PRDM2: variants seen among roughly 807,000 people sequenced by gnomAD.
PRDM2 encodes the protein PR domain zinc finger protein 2.
In PRDM2, 30 loss-of-function variants were observed where a neutral mutation model predicts 130.0. That is an observed-to-expected ratio of 0.23 (90% CI 0.17 to 0.31). PRDM2 has a LOEUF of 0.31. Among genes scored for constraint, PRDM2 ranks in the 10% least tolerant of loss-of-function variants. The pLI, the probability that PRDM2 is intolerant of heterozygous loss-of-function variation, is 1.00. For missense variants in PRDM2, 2,011 were observed against 2,108.4 expected, an observed-to-expected ratio of 0.95 and a Z score of 0.90; for synonymous variants, 871 against 782.4, an observed-to-expected ratio of 1.11 and a Z score of -1.89.
intron 2 of PRDM2, among the ~76,000 whole-genome samples, chr1:13,717,588 A>G (rs1437325827): frequency 6.6e-6 from 1 of 152,170 alleles, no homozygotes; most frequent in Non-Finnish European, 1.5e-5. Flanking sequence ...ATTAGACTTG[A>G]CACTTCAAAC....
intron 4 of PRDM2, among the ~76,000 whole-genome samples, chr1:13,736,801 T>A (rs1045913622): frequency 6.6e-6 from 1 of 152,124 alleles, no homozygotes; most frequent in Non-Finnish European, 1.5e-5. Flanking sequence ...AAAATATCTA[T>A]TTTTGTAGAG....
At position 13,780,821 on chromosome 1, in the gene PRDM2, C is replaced by G. The variant is rs1644593986; in HGVS notation, c.3026C>G (p.Ser1009Cys). 5.6e-6 allele frequency: 9 copies of G among 1,603,368 alleles called. No homozygotes were observed. The highest frequency in any genetic ancestry group is 7.7e-6 in the Non-Finnish European group (9 of 1,172,910). ...AGTGCATCTCCACACCCATGCCCCTCTCCACTCTCAAATGCCACCGCACAG... is the reference window on the plus strand; with the variant it reads ...AGTGCATCTCCACACCCATGCCCCTGTCCACTCTCAAATGCCACCGCACAG... The part of the protein sequence containing the change: ...SSSASPHPCP[S>C]PLSNATAQSP... Residue 1009 changes from serine (S) to cysteine (C), a missense_variant, in exon 8 of 10, where the codon TCT becomes TGT. By Grantham distance (112) the Ser-to-Cys change is moderately radical (BLOSUM62 -1). Transcript: ENST00000311066.
chr1:13,785,127 T>A lies in PRDM2; in HGVS notation c.5036+2296T>A, dbSNP rs112467854. On this transcript the variant is annotated intron_variant, in intron 8 of 9. Coordinates refer to ENST00000311066, the MANE Select transcript of PRDM2 (RefSeq NM_001393986.1). ...GCCCAGGGCTCGTAGAGAGGAGGCC[T>A]CAGCCTCAGTGCATATTTGTTGCAT... Among the ~76,000 whole-genome samples the A allele has an allele frequency of 4.8e-3, 734 of 152,338 alleles. 9 individuals carry two copies. The highest frequency in any genetic ancestry group is 0.017 in the African/African-American group (700 of 41,584).
intron 1 of PRDM2, among the ~76,000 whole-genome samples, chr1:13,703,034 T>A (rs549799404): frequency 1.3e-5 from 2 of 152,360 alleles, no homozygotes; most frequent in South Asian, 4.1e-4. Context: ...AGCTATGCTG[T>A]CACCTATGGT....
At chr1:13,799,078 A>G (rs965770883) in intron 8 of PRDM2, among the ~76,000 whole-genome samples, 3 of 152,258 alleles carry the variant, frequency 2.0e-5, no homozygotes. Context: ...CCAGGCAAAC[A>G]CAGAGGTCTC....
intron 8 of PRDM2, among the ~76,000 whole-genome samples, chr1:13,804,709 C>T (rs557838983): frequency 2.9e-4 from 44 of 152,276 alleles, no homozygotes; most frequent in Non-Finnish European, 4.1e-4. Flanking sequence ...CTGAAACCAA[C>T]GAAATCAGAA....
At chr1:13,745,481 A>G (rs1268372702) in intron 5 of PRDM2, among the ~76,000 whole-genome samples, 7 of 151,326 alleles carry the variant, frequency 4.6e-5, no homozygotes, top group South Asian at 2.1e-4. Context: ...CTGGAGTGCA[A>G]TGGCGTGATC....
rs750559995 is a variant in PRDM2 at position 13,779,633 on chromosome 1, T to C, written c.1838T>C (p.Ile613Thr). Reference protein sequence around the residue: ...TPVTVEITQNIKTTQVPVTED... With the variant: ...TPVTVEITQNTKTTQVPVTED... ...GTTACAGTGGAAATTACTCAAAATA[T>C]AAAGACCACACAGGTCCCTGTAACA... The change falls in exon 8 of 10, where the codon ATA becomes ACA. Residue 613 changes from isoleucine to threonine, a missense_variant. Coordinates refer to ENST00000311066, the MANE Select transcript of PRDM2 (RefSeq NM_001393986.1). The surrounding 1 kb of genome is among the most constrained non-coding windows in gnomAD (Gnocchi z 4.9). 2.5e-6 allele frequency: 4 copies of C among 1,614,016 alleles called. No individual in the cohort carries two copies. Among genetic ancestry groups the C allele is most frequent in the Non-Finnish European group, 2.5e-6 (3 of 1,179,960 alleles).
chr1:13,758,695 TG>T (rs1364306944), intron 6 of PRDM2, among the ~76,000 whole-genome samples: 1 of 152,198 alleles, frequency 6.6e-6, no homozygotes, highest in Non-Finnish European at 1.5e-5. Context: ...AAATTCTCAG[TG>T]TTCTGGAGCA....
chr1:13,710,653 A>C (rs1180020372), intron 1 of PRDM2, among the ~76,000 whole-genome samples: 2 of 152,236 alleles, frequency 1.3e-5, no homozygotes, highest in Non-Finnish European at 2.9e-5. Flanking sequence ...CTGTACAAAT[A>C]TTCAAGAAGG....
At chr1:13,817,843 C>G (rs1426769917) in intron 9 of PRDM2, among the ~76,000 whole-genome samples, 1 of 151,912 alleles carries the variant, frequency 6.6e-6, no homozygotes, top group Admixed American at 6.6e-5. Flanking sequence ...ACTAAAAATA[C>G]AAAAAAATTA....
intron 5 of PRDM2, 90 bp from the exon 6 acceptor site, chr1:13,749,271 C>G: frequency 8.3e-7 from 1 of 1,211,896 alleles, no homozygotes; most frequent in Non-Finnish European, 1.1e-6. Context: ...GCCATCGGCG[C>G]CGCTCCCGCC....
intron 2 of PRDM2, among the ~76,000 whole-genome samples, chr1:13,725,658 A>C (rs941086440): frequency 2.6e-5 from 4 of 152,260 alleles, no homozygotes; most frequent in Admixed American, 2.0e-4. Context: ...ACATAAGATT[A>C]AACAATCACA....
intron 5 of PRDM2, among the ~76,000 whole-genome samples, chr1:13,743,729 A>T (rs1227329623): frequency 1.3e-5 from 2 of 152,164 alleles, no homozygotes; most frequent in African/African-American, 2.4e-5. Flanking sequence ...TAGCTGTTTA[A>T]TTTTGCTGCA....
At chr1:13,770,221 C>T (rs903742554) in intron 6 of PRDM2, 19 of 387,262 alleles carry the variant, frequency 4.9e-5, no homozygotes, top group Middle Eastern at 3.8e-4. Context: ...AGGGAGTTCT[C>T]GCTGATTAGG....
At chr1:13,794,180 G>A (rs919856939) in intron 8 of PRDM2, among the ~76,000 whole-genome samples, 4 of 152,198 alleles carry the variant, frequency 2.6e-5, no homozygotes, top group Admixed American at 2.6e-4. Flanking sequence ...GCAGCGGAAT[G>A]TAGGTACGGG....
rs563604695 is a variant in PRDM2 at position 13,726,630 on chromosome 1, C to T, written c.10-4370C>T. ...GTTTGAGGTAGGAAGTTGGAAACAT[C>T]GAATTAATGAGATCAATTAATAGTT... is the stretch of plus-strand genomic sequence containing the variant. On this transcript the variant is annotated intron_variant, in intron 2 of 9. Coordinates refer to ENST00000311066, the MANE Select transcript of PRDM2 (RefSeq NM_001393986.1). Among the ~76,000 whole-genome samples the T allele has an allele frequency of 7.9e-4, 120 of 152,138 alleles. 2 individuals carry two copies. The highest frequency in any genetic ancestry group is 3.4e-3 in the Middle Eastern group (1 of 292).
chr1:13,777,467 A>T (rs891819873), intron 7 of PRDM2, among the ~76,000 whole-genome samples: 2 of 150,846 alleles, frequency 1.3e-5, no homozygotes, highest in African/African-American at 2.4e-5. Flanking sequence ...GGCTTGTGTA[A>T]GTAGGCCCCT....
intron 1 of PRDM2, among the ~76,000 whole-genome samples, chr1:13,708,612 T>A (rs1046762966): frequency 2.6e-5 from 4 of 152,272 alleles, no homozygotes; most frequent in Admixed American, 2.6e-4. Context: ...TGTCTGTCTG[T>A]CGTGTTCTAG....
Sources: gnomAD v4.1 joint callset for allele counts (sites outside exome capture counted in the v4.1 genomes callset) on GRCh38, gnomAD v4.1.1 for gene constraint, Gnocchi (gnomAD v3.1) non-coding constraint, MANE v1.5 for transcripts, NCBI Gene and HGNC (gene_info 2026-07-23, HGNC 2026-07-21) for gene names.